KAZN: variants seen among roughly 807,000 people sequenced by gnomAD.
The protein encoded by KAZN is kazrin.
Under a neutral mutation model 87.4 loss-of-function variants are expected in KAZN, and 40 were observed. That is an observed-to-expected ratio of 0.46 (90% CI 0.36 to 0.60). The LOEUF (loss-of-function observed/expected upper bound fraction) is 0.60, where lower values mean the gene tolerates loss of function less well. Among genes scored for constraint, KAZN ranks in the 20% least tolerant of loss-of-function variants. The pLI, the probability that KAZN is intolerant of heterozygous loss-of-function variation, is 0.00. For synonymous variants in KAZN, 466 were observed against 458.3 expected, an observed-to-expected ratio of 1.02 and a Z score of -0.22; for missense variants, 898 against 1,073.9, an observed-to-expected ratio of 0.84 and a Z score of 2.29.
At chr1:15,067,245 G>T in intron 8 of KAZN, 4 of 985,518 alleles carry the variant, frequency 4.1e-6, no homozygotes, top group Non-Finnish European at 4.8e-6. Context: ...CATTCTGGTT[G>T]GTTCCATCAG....
chr1:14,752,714 C>A (rs928172810), intron 1 of KAZN, among the ~76,000 whole-genome samples: 15 of 152,086 alleles, frequency 9.9e-5, no homozygotes, highest in African/African-American at 3.1e-4. Flanking sequence ...ATCACATTGG[C>A]AATTAAGTTT....
At chr1:14,531,963 C>G (rs1672231288) in intron 2 of KAZN, among the ~76,000 whole-genome samples, 1 of 152,128 alleles carries the variant, frequency 6.6e-6, no homozygotes, top group Non-Finnish European at 1.5e-5. Flanking sequence ...GTGCTGGACT[C>G]CCATCTCTCA....
At chr1:14,195,302 A>C (rs1375449464) in intron 2 of KAZN, among the ~76,000 whole-genome samples, 1 of 151,206 alleles carries the variant, frequency 6.6e-6, no homozygotes. Context: ...TTGTCCCTCC[A>C]CCCTCCCTTC....
intron 2 of KAZN, among the ~76,000 whole-genome samples, chr1:14,505,314 AT>A (rs1340699515): frequency 6.6e-6 from 1 of 152,148 alleles, no homozygotes; most frequent in Non-Finnish European, 1.5e-5. Context: ...AAGCAAGTGG[AT>A]GGAAGGAGGA....
intron 1 of KAZN, among the ~76,000 whole-genome samples, chr1:14,698,315 T>C (rs1233750619): frequency 6.6e-6 from 1 of 151,376 alleles, no homozygotes; most frequent in East Asian, 1.9e-4. Context: ...TGCCCAGGGG[T>C]GGAGACCCAG....
At chr1:13,923,442 A>G (rs973201018) in intron 1 of KAZN, among the ~76,000 whole-genome samples, 3 of 151,708 alleles carry the variant, frequency 2.0e-5, no homozygotes, top group South Asian at 2.1e-4. Context: ...GCGTGGTGGC[A>G]GGTGCCTGTA....
chr1:14,335,758 C>CAGAGAG (rs558013162), intron 2 of KAZN, among the ~76,000 whole-genome samples: 5 of 151,432 alleles, frequency 3.3e-5, no homozygotes, highest in African/African-American at 1.2e-4. Flanking sequence ...CACACACACA[C>CAGAGAG]ACAGAGAGAG....
intron 1 of KAZN, among the ~76,000 whole-genome samples, chr1:14,055,579 C>T (rs1030081697): frequency 6.6e-6 from 1 of 152,130 alleles, no homozygotes; most frequent in African/African-American, 2.4e-5. Flanking sequence ...GTGGAGGTTT[C>T]TCAGGCATCC....
At chr1:13,950,550 A>G (rs1232092258) in intron 1 of KAZN, among the ~76,000 whole-genome samples, 1 of 152,218 alleles carries the variant, frequency 6.6e-6, no homozygotes, top group Non-Finnish European at 1.5e-5. Flanking sequence ...GACTATCAGG[A>G]AACAGCATCT....
intron 2 of KAZN, among the ~76,000 whole-genome samples, chr1:14,422,619 G>A (rs1665498860): frequency 6.6e-6 from 1 of 152,230 alleles, no homozygotes. Flanking sequence ...CTGAAGGGTT[G>A]AAAACAGACG....
chr1:14,914,067 C>T (rs893776122), intron 1 of KAZN, among the ~76,000 whole-genome samples: 3 of 152,222 alleles, frequency 2.0e-5, no homozygotes, highest in Admixed American at 1.3e-4. Context: ...CTGGGCAGGG[C>T]AGTGGCCCTC....
chr1:14,950,215 A>T (rs187095999), intron 1 of KAZN, among the ~76,000 whole-genome samples: 1 of 152,082 alleles, frequency 6.6e-6, no homozygotes, highest in East Asian at 1.9e-4. Flanking sequence ...ACTGCTTCCC[A>T]TCACCCCCTA....
At chr1:15,090,503 C>T (rs964134413) in intron 8 of KAZN, among the ~76,000 whole-genome samples, 7 of 152,226 alleles carry the variant, frequency 4.6e-5, no homozygotes, top group Admixed American at 2.0e-4. Context: ...CACTGGCTGC[C>T]GGCCTGCACC....
rs149400069 is a variant in KAZN, at chr1:14,836,863, C to T, written c.227-123821C>T. On this transcript the variant is annotated intron_variant, in intron 1 of 14. Coordinates refer to ENST00000376030, the MANE Select transcript of KAZN (RefSeq NM_201628.3). ...TAAAATATAATACTTTTAAATGGCA[C>T]TCTTAGACCCATCATCTCCCCAAAG... 1.2e-4 allele frequency among the ~76,000 whole-genome samples: 19 copies of T among 152,268 alleles called. No homozygotes were observed. The East Asian group carries it at 3.7e-3, about 29-fold the overall frequency.
At chr1:15,054,715 G>A (rs927192717) in intron 4 of KAZN, among the ~76,000 whole-genome samples, 2 of 152,086 alleles carry the variant, frequency 1.3e-5, no homozygotes, top group Non-Finnish European at 2.9e-5. Flanking sequence ...AATACTTGCC[G>A]TTTTTCTCCC....
chr1:14,869,225 A>C (rs1651875524), intron 1 of KAZN, among the ~76,000 whole-genome samples: 1 of 151,698 alleles, frequency 6.6e-6, no homozygotes, highest in African/African-American at 2.4e-5. Flanking sequence ...TTAAATCTCC[A>C]CTTCCCTTTT....
intron 2 of KAZN, among the ~76,000 whole-genome samples, chr1:14,436,734 A>AAAAC (rs35907455): frequency 4.4e-5 from 6 of 137,394 alleles, no homozygotes; most frequent in African/African-American, 5.4e-5. Flanking sequence ...AAAAAAAAAA[A>AAAAC]AAAACCTTAA....
chr1:13,972,223 C>T lies in KAZN; in HGVS notation c.91+78467C>T, dbSNP rs78167487. 6.7e-3 allele frequency among the ~76,000 whole-genome samples: 1,014 copies of T among 151,644 alleles called. 7 individuals carry two copies. Among genetic ancestry groups the T allele is most frequent in the Middle Eastern group, 0.038 (11 of 286 alleles). Reference sequence around the variant, plus strand: ...CCATGAAGAAGACTCCAATAAAATACTAATGAACATCCATGTGTAAAATGC... The same window carrying T: ...CCATGAAGAAGACTCCAATAAAATATTAATGAACATCCATGTGTAAAATGC... On this transcript the variant is annotated intron_variant, in intron 1 of 16. Transcript: ENST00000636203.
At chr1:14,655,143 T>TGTGAACACTCATCTGGCCTCTG (rs202084289) in intron 1 of KAZN, among the ~76,000 whole-genome samples, 4 of 152,238 alleles carry the variant, frequency 2.6e-5, no homozygotes, top group South Asian at 2.1e-4. Flanking sequence ...GGCTGCACTT[T>TGTGAACACTCATCTGGCCTCTG]GTGAACACTC....
Sources: allele counts gnomAD v4.1 joint callset (sites outside exome capture counted in the v4.1 genomes callset), GRCh38; gene constraint gnomAD v4.1.1; transcripts MANE v1.5; gene names NCBI Gene and HGNC (gene_info 2026-07-23, HGNC 2026-07-21).